The following POLR2E variants were observed in gnomAD, a reference collection of about 807,000 sequenced individuals.
POLR2E encodes RNA polymerase II, I and III subunit E, also known as DNA-directed RNA polymerases I, II, and III subunit RPABC1.
A neutral mutation model predicts 29.8 loss-of-function variants in POLR2E; 35 were observed. That is an observed-to-expected ratio of 1.17 (90% CI 0.90 to 1.55). POLR2E has a LOEUF of 1.55. POLR2E is among the 40% of genes most tolerant of loss of function. POLR2E has a pLI of 0.00. For missense variants in POLR2E, 287 were observed against 288.6 expected (o/e 0.99, Z 0.04); for synonymous variants, 174 against 112.6 (o/e 1.55, Z -3.45).
At chr19:1,089,672 G>C in intron 6 of POLR2E, 121 bp from the exon 7 acceptor site, 1 of 900,502 alleles carries the variant, frequency 1.1e-6, no homozygotes, top group Admixed American at 2.0e-5. Flanking sequence ...GCTGACCCTG[G>C]GCTGTGGGAC....
chr19:1,095,034 C>T, intron 1 of POLR2E: 2 of 539,200 alleles, frequency 3.7e-6, no homozygotes, highest in Non-Finnish European at 6.5e-6. Context: ...CCACCCACCC[C>T]TAAGCACCGC....
At chr19:1,095,048 C>T in intron 1 of POLR2E, 1 of 561,790 alleles carries the variant, frequency 1.8e-6, no homozygotes, top group Admixed American at 3.3e-5. Context: ...GCACCGCACC[C>T]AGACGTCTCG....
At position 1,090,896 on chromosome 19, in the gene POLR2E, G is replaced by A; in HGVS notation, c.429+12C>T. 2 of 1,610,476 alleles carry A rather than the reference G, an allele frequency of 1.2e-6. No homozygotes were observed. The highest frequency in any genetic ancestry group is 1.1e-5 in the South Asian group (1 of 91,044). Reference sequence around the variant, plus strand: ...GGCCCCACGCAGGCGGGATTCCGCGGCGCGCGCCCACCTCGTGCTCCGTGA... The same window carrying A: ...GGCCCCACGCAGGCGGGATTCCGCGACGCGCGCCCACCTCGTGCTCCGTGA... On this transcript the variant is annotated intron_variant, in intron 4 of 7. Coordinates refer to ENST00000615234, the MANE Select transcript of POLR2E (RefSeq NM_002695.5).
intron 2 of POLR2E, 95 bp from the exon 3 acceptor site, chr19:1,092,002 A>G (rs2043843322): frequency 1.2e-6 from 1 of 836,512 alleles, no homozygotes; most frequent in African/African-American, 1.7e-5. Flanking sequence ...GCCCCATTCC[A>G]CACAGGTGTC....
intron 2 of POLR2E, chr19:1,093,683 G>C (rs1345814342): frequency 7.8e-7 from 1 of 1,287,684 alleles, no homozygotes; most frequent in Non-Finnish European, 1.0e-6. Context: ...GGCAGGAAGA[G>C]AGAAGGGGAC....
In POLR2E at chr19:1,087,962, G is replaced by A. The variant is rs548779123; in HGVS notation, c.*773C>T. 55 of 152,458 alleles carry A rather than the reference G, an allele frequency of 3.6e-4. No individual in the cohort carries two copies. Among genetic ancestry groups the A allele is most frequent in the African/African-American group, 1.1e-3 (46 of 41,562 alleles). The allele number at this position is 152,458 out of a possible 1,614,324, so 9.4% of individuals were successfully genotyped here. ...GCAAACCACAGCTGCACAAGCCAGA[G>A]AACAACTCCACACCCTCACGGGAAG... On this transcript the variant is annotated 3_prime_UTR_variant, in exon 8 of 8. Coordinates refer to ENST00000615234, the MANE Select transcript of POLR2E (RefSeq NM_002695.5).
chr19:1,091,896 C>T lies in POLR2E; in HGVS notation c.244G>A (p.Val82Met). 3.7e-6 allele frequency: 6 copies of T among 1,609,050 alleles called. No individual in the cohort carries two copies. Among genetic ancestry groups the T allele is most frequent in the Non-Finnish European group, 5.1e-6 (6 of 1,176,378 alleles). ...TACACCTTGATGGTCTTGATGCCCACCTTGGGCTCCTCTGCAGACAGAGAG... is the reference window on the plus strand; with the variant it reads ...TACACCTTGATGGTCTTGATGCCCATCTTGGGCTCCTCTGCAGACAGAGAG... ...MFVFFPEEPK[V>M]GIKTIKVYCQ... The change falls in exon 3 of 8, where the codon GTG becomes ATG. Residue 82 changes from valine (V) to methionine (M), a missense_variant. Physicochemically the swap from Val to Met is conservative, Grantham distance 21 (BLOSUM62 1). Coordinates refer to ENST00000615234, the MANE Select transcript of POLR2E (RefSeq NM_002695.5).
At chr19:1,093,828 G>A in intron 2 of POLR2E, 76 bp downstream of exon 2, 3 of 1,474,918 alleles carry the variant, frequency 2.0e-6, no homozygotes, top group Non-Finnish European at 2.7e-6. Flanking sequence ...GGCGAGTGGG[G>A]GTGGGTGCTA....
intron 7 of POLR2E, among the ~76,000 whole-genome samples, chr19:1,089,235 C>T (rs112122665): frequency 9.2e-5 from 14 of 152,200 alleles, no homozygotes; most frequent in Admixed American, 6.5e-5. Flanking sequence ...GGCGGAGAGA[C>T]GCACGCCCCG....
Position 1,089,360 on chromosome 19 carries a change from T to C in POLR2E, c.*14+112A>G, listed in dbSNP as rs1359892806. 7 of 715,926 alleles carry C rather than the reference T, an allele frequency of 9.8e-6. No individual in the cohort carries two copies. The Admixed American group carries it at 1.1e-4, about 11-fold the overall frequency. 44.3% of individuals were successfully genotyped at this position (715,926 alleles called of 1,614,324 possible). On this transcript the variant is annotated intron_variant, in intron 7 of 7. Transcript: ENST00000615234. Reference sequence around the variant, plus strand: ...GCGCCTGGTGGCCCAGCTGGGCTGGTGCTAGGAGGGTCTTGCTGCCGGACA... The same window carrying C: ...GCGCCTGGTGGCCCAGCTGGGCTGGCGCTAGGAGGGTCTTGCTGCCGGACA...
At position 1,091,879 on chromosome 19, in the gene POLR2E, G is replaced by T. The variant is rs2043840857; in HGVS notation, c.261C>A (p.Ile87=). 1 of 1,612,570 alleles carries T rather than the reference G, an allele frequency of 6.2e-7. No homozygotes were observed. Reference sequence around the variant, plus strand: ...CCTGCATGCGCTGGCAGTACACCTTGATGGTCTTGATGCCCACCTTGGGCT... The same window carrying T: ...CCTGCATGCGCTGGCAGTACACCTTTATGGTCTTGATGCCCACCTTGGGCT... The part of the protein sequence containing the change: ...PEEPKVGIKT[I]KVYCQRMQEE... Residue 87 remains isoleucine, a synonymous_variant, in exon 3 of 8, where the codon ATC becomes ATA. Coordinates refer to ENST00000615234, the MANE Select transcript of POLR2E (RefSeq NM_002695.5).
chr19:1,090,871 G>A (rs771529687), intron 4 of POLR2E, 37 bp downstream of exon 4: 79 of 1,576,758 alleles, frequency 5.0e-5, no homozygotes, highest in East Asian at 2.5e-4. Flanking sequence ...CATCTCTGCC[G>A]GCCCCACGCA....
intron 3 of POLR2E, 132 bp from the exon 4 acceptor site, chr19:1,091,120 A>T: frequency 1.5e-6 from 1 of 676,134 alleles, no homozygotes; most frequent in Non-Finnish European, 2.5e-6. Context: ...AGAAAACCCC[A>T]CCGCCAGCCC....
chr19:1,093,459 A>G (rs1300476457), intron 2 of POLR2E, among the ~76,000 whole-genome samples: 1 of 139,526 alleles, frequency 7.2e-6, no homozygotes, highest in African/African-American at 2.6e-5. Context: ...GGACGCTGAC[A>G]GGGGAGAGGG....
chr19:1,090,073 GC>G lies in POLR2E; in HGVS notation c.488+13del. 2 of 1,611,140 alleles carry G rather than the reference GC, an allele frequency of 1.2e-6. No individual in the cohort carries two copies. The highest frequency in any genetic ancestry group is 1.7e-6 in the Non-Finnish European group (2 of 1,178,792). Reference sequence around the variant, plus strand: ...GACAGGGAGGGGCGGGGCCGGTGGGGCTGGAAAGGATACTATCGGGCCAGCA... The same window carrying G: ...GACAGGGAGGGGCGGGGCCGGTGGGGTGGAAAGGATACTATCGGGCCAGCA... On this transcript the variant is annotated intron_variant, in intron 5 of 7. Transcript: ENST00000615234.
In POLR2E at chr19:1,094,098, G is replaced by A. The variant is rs532803344; in HGVS notation, c.58-20C>T. On this transcript the variant is annotated intron_variant, in intron 1 of 7. Coordinates refer to ENST00000615234, the MANE Select transcript of POLR2E (RefSeq NM_002695.5). Reference sequence around the variant, plus strand: ...GCACAGCTGCAGAGAGAAAGAACCAGCTGACCCCAGGGCAGAGAGAGGAAG... The same window carrying A: ...GCACAGCTGCAGAGAGAAAGAACCAACTGACCCCAGGGCAGAGAGAGGAAG... 1.1e-5 allele frequency: 18 copies of A among 1,596,720 alleles called. No individual in the cohort carries two copies. The African/African-American group carries it at 2.3e-4, about 20-fold the overall frequency.
chr19:1,089,779 G>T, intron 6 of POLR2E, 105 bp downstream of exon 6: 1 of 968,098 alleles, frequency 1.0e-6, no homozygotes, highest in Non-Finnish European at 1.6e-6. Context: ...GTCCCCTCCA[G>T]GCCCTGGATC....
At chr19:1,089,341 G>A (rs1468127070) in intron 7 of POLR2E, 131 bp downstream of exon 7, 5 of 633,116 alleles carry the variant, frequency 7.9e-6, no homozygotes, top group Admixed American at 2.4e-5. Context: ...GGGAGCGCCT[G>A]GTGGCCCAGC....
Position 1,087,560 on chromosome 19 carries a change from G to A in POLR2E, c.*1175C>T, listed in dbSNP as rs1277304456. 3 of 149,258 alleles carry A rather than the reference G, an allele frequency of 2.0e-5. No individual in the cohort carries two copies. Among genetic ancestry groups the A allele is most frequent in the Admixed American group, 6.7e-5 (1 of 14,964 alleles). The allele number at this position is 149,258 out of a possible 1,614,324, so 9.2% of individuals were successfully genotyped here. Reference sequence around the variant, plus strand: ...ACCCCCATCCCCACCCAACTCCCCAGTCCCGGGAACCCCCATCCTACTTCC... The same window carrying A: ...ACCCCCATCCCCACCCAACTCCCCAATCCCGGGAACCCCCATCCTACTTCC... On this transcript the variant is annotated 3_prime_UTR_variant, in exon 8 of 8. Coordinates refer to ENST00000615234, the MANE Select transcript of POLR2E (RefSeq NM_002695.5).
Sources: allele counts gnomAD v4.1 joint callset (sites outside exome capture counted in the v4.1 genomes callset), GRCh38; gene constraint gnomAD v4.1.1; transcripts MANE v1.5; gene names NCBI Gene and HGNC (gene_info 2026-07-23, HGNC 2026-07-21).